The following TMC1 variants were observed in gnomAD, a reference collection of about 807,000 sequenced individuals.
The protein encoded by TMC1 is transmembrane channel-like protein 1.
A neutral mutation model predicts 105.8 loss-of-function variants in TMC1; 84 were observed. The observed-to-expected ratio is 0.79, with a 90% CI of 0.67 to 0.95. The LOEUF is 0.95. TMC1 is among the 40% of genes least tolerant of loss of function. The pLI is 0.00. For synonymous variants in TMC1, 315 were observed against 311.5 expected (o/e 1.01, Z -0.12); for missense variants, 817 against 914.1 (o/e 0.89, Z 1.37).
chr9:72,726,780 T>C (rs1233739130), intron 8 of TMC1, among the ~76,000 whole-genome samples: 1 of 152,194 alleles, frequency 6.6e-6, no homozygotes, highest in East Asian at 1.9e-4. Context: ...TAAATATCAC[T>C]ATACAACATT....
At chr9:72,761,505 T>C (rs1164986413) in intron 12 of TMC1, among the ~76,000 whole-genome samples, 3 of 152,192 alleles carry the variant, frequency 2.0e-5, no homozygotes, top group Admixed American at 6.5e-5. Context: ...TTATCATAGA[T>C]GTGGGAGATA....
chr9:72,679,237 A>G (rs924742282), intron 5 of TMC1, among the ~76,000 whole-genome samples: 3 of 151,988 alleles, frequency 2.0e-5, no homozygotes, highest in Non-Finnish European at 4.4e-5. Flanking sequence ...TTAATATCTC[A>G]CTGAGTTCAG....
chr9:72,821,291 C>G (rs113050423), intron 20 of TMC1, among the ~76,000 whole-genome samples: 10 of 151,716 alleles, frequency 6.6e-5, no homozygotes, highest in Admixed American at 1.3e-4. Context: ...GTCAGGAGTT[C>G]GAGACAAGCC....
intron 4 of TMC1, among the ~76,000 whole-genome samples, chr9:72,636,030 G>T (rs772859509): frequency 1.3e-5 from 2 of 152,078 alleles, no homozygotes; most frequent in Non-Finnish European, 2.9e-5. Context: ...ATCCAGAATG[G>T]GATTGAAGTG....
At chr9:72,813,173 G>A (rs1351561873) in intron 18 of TMC1, among the ~76,000 whole-genome samples, 3 of 151,420 alleles carry the variant, frequency 2.0e-5, no homozygotes, top group African/African-American at 2.4e-5. Flanking sequence ...TTCCCTAACC[G>A]TTTTTTACCT....
In TMC1 at chr9:72,720,272, C is replaced by T. The variant is rs543980049; in HGVS notation, c.362+19629C>T. On this transcript the variant is annotated intron_variant, in intron 8 of 23. Coordinates refer to ENST00000297784, the MANE Select transcript of TMC1 (RefSeq NM_138691.3). ...GGAGGTCTCTAAGTACACTACCAAG[C>T]AAGCTCTCCCAGAAGTCACAAACCT... 5.3e-5 allele frequency among the ~76,000 whole-genome samples: 8 copies of T among 152,310 alleles called. No homozygotes were observed. The South Asian group carries it at 1.7e-3, about 32-fold the overall frequency.
chr9:72,835,301 G>A (rs888343588), intron 23 of TMC1, among the ~76,000 whole-genome samples: 2 of 152,188 alleles, frequency 1.3e-5, no homozygotes, highest in Admixed American at 1.3e-4. Flanking sequence ...ATCCCACAGT[G>A]CTTACCTGAG....
chr9:72,580,536 C>T (rs567058589), intron 2 of TMC1, among the ~76,000 whole-genome samples: 1 of 150,830 alleles, frequency 6.6e-6, no homozygotes, highest in African/African-American at 2.5e-5. Context: ...CAAACCTCTT[C>T]TCTAAATCTG....
intron 8 of TMC1, among the ~76,000 whole-genome samples, chr9:72,727,817 CCTTCAGGTATTAGTGTTGCTAATAA>C (rs1315983318): frequency 2.0e-5 from 3 of 152,018 alleles, no homozygotes; most frequent in African/African-American, 7.2e-5. Context: ...ACTATCCCTA[CCTTCAGGTATTAGTGTTGCTAATAA>C]CATGCTCAAC....
intron 19 of TMC1, chr9:72,817,074 T>G (rs578182458): frequency 6.6e-6 from 1 of 152,174 alleles, no homozygotes; most frequent in African/African-American, 2.4e-5. Flanking sequence ...TTTCATATAT[T>G]GTACCAATAG....
chr9:72,827,511 C>A (rs1375718924), intron 21 of TMC1, among the ~76,000 whole-genome samples: 1 of 152,164 alleles, frequency 6.6e-6, no homozygotes. Context: ...TGTGTGTTCA[C>A]GATAATAGAA....
chr9:72,728,574 AT>A (rs1157537711), intron 8 of TMC1, among the ~76,000 whole-genome samples: 5 of 152,078 alleles, frequency 3.3e-5, no homozygotes, highest in Non-Finnish European at 7.4e-5. Flanking sequence ...TAATCCTGAC[AT>A]GGCATATTTT....
intron 2 of TMC1, among the ~76,000 whole-genome samples, chr9:72,587,308 G>A (rs934407316): frequency 1.2e-4 from 19 of 152,076 alleles, no homozygotes; most frequent in Admixed American, 9.2e-4. Flanking sequence ...ACAGGCATGC[G>A]CCACCACGCC....
At chr9:72,543,217 G>A (rs1823707278) in intron 1 of TMC1, among the ~76,000 whole-genome samples, 1 of 152,044 alleles carries the variant, frequency 6.6e-6, no homozygotes, top group Admixed American at 6.6e-5. Context: ...GCCAGAAATT[G>A]GGAACTTTTC....
chr9:72,752,013 T>A, intron 11 of TMC1, 57 bp downstream of exon 11: 1 of 1,080,988 alleles, frequency 9.3e-7, no homozygotes, highest in Non-Finnish European at 1.4e-6. Context: ...CCTAGAAAAG[T>A]ATTTATCTCT....
chr9:72,681,019 T>G (rs914140064), intron 5 of TMC1, among the ~76,000 whole-genome samples: 3 of 152,150 alleles, frequency 2.0e-5, no homozygotes, highest in African/African-American at 7.2e-5. Flanking sequence ...GACAGAAAGA[T>G]TCCTTTTTGT....
intron 7 of TMC1, among the ~76,000 whole-genome samples, chr9:72,696,090 A>G (rs1034175079): frequency 3.9e-5 from 6 of 152,198 alleles, no homozygotes; most frequent in Non-Finnish European, 7.3e-5. Flanking sequence ...GTTGTGTTCC[A>G]AAATTTGCTT....
At chr9:72,743,319 A>G (rs1409218101) in intron 10 of TMC1, among the ~76,000 whole-genome samples, 27 of 149,782 alleles carry the variant, frequency 1.8e-4, no homozygotes, top group Non-Finnish European at 9.0e-5. Flanking sequence ...GTGAGCCGAG[A>G]TCCCGCCACT....
intron 5 of TMC1, among the ~76,000 whole-genome samples, chr9:72,658,328 C>T (rs1018604668): frequency 1.1e-4 from 16 of 149,572 alleles, no homozygotes; most frequent in Non-Finnish European, 2.2e-4. Context: ...GGTGAGACTC[C>T]GTCTAAAAAA....
Sources: allele counts gnomAD v4.1 joint callset (sites outside exome capture counted in the v4.1 genomes callset), GRCh38; gene constraint gnomAD v4.1.1; transcripts MANE v1.5; gene names NCBI Gene and HGNC (gene_info 2026-07-23, HGNC 2026-07-21).